NTRK3: variants seen among roughly 807,000 people sequenced by gnomAD.
NTRK3 encodes the protein neurotrophic receptor tyrosine kinase 3, also known as NT-3 growth factor receptor.
Under a neutral mutation model 91.7 loss-of-function variants are expected in NTRK3, and 24 were observed. The observed-to-expected ratio is 0.26, with a 90% CI of 0.19 to 0.37. NTRK3 has a LOEUF of 0.37. NTRK3 is among the 10% of genes least tolerant of loss of function. The probability of loss-of-function intolerance (pLI) is 1.00; values close to 1 mark genes in which losing one functional copy is unlikely to be tolerated. For missense variants in NTRK3, 880 were observed against 1,068.9 expected, an observed-to-expected ratio of 0.82 and a Z score of 2.46; for synonymous variants, 483 against 404.0, an observed-to-expected ratio of 1.20 and a Z score of -2.34.
intron 14 of NTRK3, among the ~76,000 whole-genome samples, chr15:87,987,402 TCAATAAGGGTTTCCC>T (rs1365876251): frequency 6.6e-6 from 1 of 152,190 alleles, no homozygotes; most frequent in African/African-American, 2.4e-5. Flanking sequence ...GTACATCATC[TCAATAAGGGTTTCCC>T]CAATTAAGGA....
intron 3 of NTRK3, among the ~76,000 whole-genome samples, chr15:88,232,894 C>A (rs35900795): frequency 3.9e-5 from 6 of 152,196 alleles, no homozygotes; most frequent in Non-Finnish European, 7.3e-5. Flanking sequence ...CACCCAGGAA[C>A]CCATCCCCCA....
At chr15:87,986,401 C>T (rs2074789851) in intron 14 of NTRK3, among the ~76,000 whole-genome samples, 1 of 152,194 alleles carries the variant, frequency 6.6e-6, no homozygotes, top group Non-Finnish European at 1.5e-5. Flanking sequence ...GCTGAGAACC[C>T]ATGTGAGTTC....
At chr15:88,239,993 T>G (rs1404220525) in intron 3 of NTRK3, among the ~76,000 whole-genome samples, 1 of 151,768 alleles carries the variant, frequency 6.6e-6, no homozygotes, top group Non-Finnish European at 1.5e-5. Context: ...ACGCCAAAGC[T>G]TAATAACTCA....
At chr15:87,869,411 A>T (rs1163047286) in exon 19 of NTRK3, 5 of 225,732 alleles carry the variant, frequency 2.2e-5, no homozygotes, top group Non-Finnish European at 4.4e-5. Flanking sequence ...ACATCGTCTG[A>T]CAGCACTGAA....
intron 3 of NTRK3, among the ~76,000 whole-genome samples, chr15:88,211,212 C>G (rs1016290291): frequency 1.3e-5 from 2 of 152,226 alleles, no homozygotes; most frequent in Non-Finnish European, 2.9e-5. Flanking sequence ...TCCCTGGCAA[C>G]TATGGATTTA....
intron 13 of NTRK3, among the ~76,000 whole-genome samples, chr15:88,074,797 G>T (rs1279349102): frequency 3.3e-5 from 5 of 152,160 alleles, no homozygotes; most frequent in African/African-American, 1.2e-4. Flanking sequence ...GACCTAGTCA[G>T]AAAGCAACGC....
chr15:88,027,539 T>G (rs1240996846), intron 14 of NTRK3, among the ~76,000 whole-genome samples: 1 of 152,112 alleles, frequency 6.6e-6, no homozygotes, highest in Non-Finnish European at 1.5e-5. Context: ...CCTGCCACCA[T>G]GCCCGGCTAA....
intron 13 of NTRK3, among the ~76,000 whole-genome samples, chr15:88,057,864 T>C (rs985635269): frequency 6.6e-6 from 1 of 152,226 alleles, no homozygotes; most frequent in Non-Finnish European, 1.5e-5. Flanking sequence ...TTGCCCTCAT[T>C]GCTCTCTTCT....
In NTRK3 at chr15:88,240,471, C is replaced by CG. The variant is rs1458956385; in HGVS notation, c.248+15434_248+15435insC. 6.6e-6 allele frequency among the ~76,000 whole-genome samples: 1 copy of CG among 152,202 alleles called. No homozygotes were observed. Among genetic ancestry groups the CG allele is most frequent in the Non-Finnish European group, 1.5e-5 (1 of 68,032 alleles). ...CTCCACTGAGTCCCAAGGGCCCCTT[C>CG]TACCCCACCCTCCTTACCACCAAAA... On this transcript the variant is annotated intron_variant, in intron 3 of 18. Coordinates refer to ENST00000394480, the Ensembl canonical transcript of NTRK3. This position sits in a 1 kb window ranked among gnomAD's most constrained non-coding sequence, Gnocchi z 4.9.
chr15:88,167,801 C>A (rs901747364), intron 5 of NTRK3, among the ~76,000 whole-genome samples: 2 of 152,092 alleles, frequency 1.3e-5, no homozygotes, highest in African/African-American at 4.8e-5. Context: ...CCTGCAGGCT[C>A]TGGGCACATC....
chr15:87,966,107 CA>C (rs1410895767), intron 14 of NTRK3, among the ~76,000 whole-genome samples: 1 of 147,058 alleles, frequency 6.8e-6, no homozygotes, highest in African/African-American at 2.6e-5. Flanking sequence ...AACAAACAAA[CA>C]AAAAACTCCA....
At chr15:88,191,449 A>G (rs948301839) in intron 3 of NTRK3, among the ~76,000 whole-genome samples, 1 of 152,158 alleles carries the variant, frequency 6.6e-6, no homozygotes, top group Non-Finnish European at 1.5e-5. Context: ...AGGCCTCCGG[A>G]TGTTTTTTAT....
chr15:88,183,077 A>G (rs954454860), intron 5 of NTRK3, among the ~76,000 whole-genome samples: 1 of 132,676 alleles, frequency 7.5e-6, no homozygotes, highest in African/African-American at 2.9e-5. Flanking sequence ...TTATGGTCTC[A>G]GAAGTATAGT....
At chr15:87,906,496 C>T (rs1174104811) in intron 17 of NTRK3, among the ~76,000 whole-genome samples, 8 of 152,138 alleles carry the variant, frequency 5.3e-5, no homozygotes, top group African/African-American at 1.9e-4. Flanking sequence ...AGATGAAACC[C>T]GTGCTGACCA....
intron 11 of NTRK3, among the ~76,000 whole-genome samples, chr15:88,127,577 G>A (rs1312164161): frequency 6.6e-6 from 1 of 152,332 alleles, no homozygotes; most frequent in South Asian, 2.1e-4. Context: ...TGGGATCCTG[G>A]CCAGGGTCTG....
intron 10 of NTRK3, 74 bp from the exon 11 acceptor site, chr15:88,128,808 A>G (rs2053545700): frequency 7.7e-7 from 1 of 1,296,450 alleles, no homozygotes. Context: ...TGGTCCTAAT[A>G]GCTATGATCT....
chr15:87,932,930 A>G (rs2068934385), intron 16 of NTRK3, 82 bp downstream of exon 16: 2 of 1,329,940 alleles, frequency 1.5e-6, no homozygotes, highest in African/African-American at 1.4e-5. Context: ...TAGAGGGGGT[A>G]GTATAATTTC....
chr15:88,142,326 G>A (rs1006325743), intron 6 of NTRK3, among the ~76,000 whole-genome samples: 1 of 152,246 alleles, frequency 6.6e-6, no homozygotes, highest in Non-Finnish European at 1.5e-5. Context: ...AGCAGCTGCT[G>A]CAAGGCAAAG....
rs566914782 is a variant in NTRK3 at position 87,878,841 on chromosome 15, C to A, written c.2292+1429G>T. ...CTTCTGTTAAGACCAATAGCAACCT[C>A]AGCCCAGAACCTCTGTTTACTGGGG... On this transcript the variant is annotated intron_variant, in intron 18 of 18. Coordinates refer to ENST00000394480, the Ensembl canonical transcript of NTRK3. Among the ~76,000 whole-genome samples the A allele has an allele frequency of 9.9e-5, 15 of 151,982 alleles. 1 individual carries two copies. In the South Asian group the frequency reaches 1.0e-3, roughly 11 times the overall value.
Sources: gnomAD v4.1 joint callset for allele counts (sites outside exome capture counted in the v4.1 genomes callset) on GRCh38, gnomAD v4.1.1 for gene constraint, Gnocchi (gnomAD v3.1) non-coding constraint, MANE v1.5 for transcripts, NCBI Gene and HGNC (gene_info 2026-07-23, HGNC 2026-07-21) for gene names.